The following EDA variants were observed in gnomAD, a reference collection of about 807,000 sequenced individuals.
EDA encodes ectodysplasin-A.
In EDA, 2 loss-of-function variants were observed where a neutral mutation model predicts 23.6. The observed-to-expected ratio is 0.08, with a 90% CI of 0.03 to 0.27. The LOEUF (loss-of-function observed/expected upper bound fraction) is 0.27, where lower values mean the gene tolerates loss of function less well. Among genes scored for constraint, EDA ranks in the 10% least tolerant of loss-of-function variants. The probability of loss-of-function intolerance (pLI) is 1.00; values close to 1 mark genes in which losing one functional copy is unlikely to be tolerated. For missense variants in EDA, 229 were observed against 324.2 expected (o/e 0.71, Z 2.26); for synonymous variants, 131 against 132.0 (o/e 0.99, Z 0.05).
At chrX:69,789,760 T>G (rs2015343876) in intron 1 of EDA, among the ~76,000 whole-genome samples, 1 of 112,002 alleles carries the variant, frequency 8.9e-6, no homozygotes, top group African/African-American at 3.2e-5. Context: ...CACTACTTTT[T>G]AGGATGCAGT....
intron 1 of EDA, among the ~76,000 whole-genome samples, chrX:69,649,296 A>C (rs1236267588): frequency 1.8e-5 from 2 of 112,166 alleles, no homozygotes; most frequent in Non-Finnish European, 3.8e-5. Context: ...TTATGTGTGC[A>C]TATAAATGTG....
intron 2 of EDA, among the ~76,000 whole-genome samples, chrX:70,015,256 G>A (rs1390779932): frequency 8.9e-6 from 1 of 111,872 alleles, no homozygotes; most frequent in Non-Finnish European, 1.9e-5. Context: ...GAGATTGGGA[G>A]CCTATATTCA....
chrX:69,633,795 A>G (rs1932695638), intron 1 of EDA, among the ~76,000 whole-genome samples: 1 of 112,439 alleles, frequency 8.9e-6, no homozygotes, highest in Non-Finnish European at 1.9e-5. Flanking sequence ...ACCTTGGGGT[A>G]TTATGAATAA....
In EDA at chrX:70,033,650, G is replaced by C. The variant is rs910753777; in HGVS notation, c.924+122G>C. The C allele has an allele frequency of 7.0e-6, 6 of 857,528 alleles. No individual in the cohort carries two copies. In the African/African-American group the frequency reaches 1.0e-4, roughly 14 times the overall value. The allele number at this position is 857,528 out of a possible 1,213,427, so 70.7% of individuals were successfully genotyped here. On this transcript the variant is annotated intron_variant, in intron 7 of 7. Transcript: ENST00000374552. ...TGGCTAACTTCCTGCTTTGGGTGAG[G>C]GGGTGGGGGGACCGCACTGGGAGGG...
chrX:69,801,770 A>G (rs2015692397), intron 1 of EDA, among the ~76,000 whole-genome samples: 1 of 111,880 alleles, frequency 8.9e-6, no homozygotes, highest in Non-Finnish European at 1.9e-5. Context: ...CTTACTAGTA[A>G]TCTGGAAAAT....
intron 1 of EDA, among the ~76,000 whole-genome samples, chrX:69,886,668 C>G (rs751020038): frequency 2.2e-4 from 24 of 111,100 alleles, no homozygotes; most frequent in Non-Finnish European, 4.0e-4. Flanking sequence ...GGCACCAGTC[C>G]TACAAACCAA....
At chrX:69,844,227 G>T (rs1034963189) in intron 1 of EDA, among the ~76,000 whole-genome samples, 1 of 111,709 alleles carries the variant, frequency 9.0e-6, no homozygotes, top group Admixed American at 9.5e-5. Flanking sequence ...GAAATTTGAA[G>T]AGAGGATGAG....
At chrX:69,739,188 T>G (rs1203843682) in intron 1 of EDA, among the ~76,000 whole-genome samples, 2 of 111,531 alleles carry the variant, frequency 1.8e-5, no homozygotes, top group Non-Finnish European at 3.8e-5. Context: ...ACATGATTTT[T>G]AATTGTTATG....
intron 1 of EDA, among the ~76,000 whole-genome samples, chrX:69,900,369 A>T (rs1028459621): frequency 9.2e-6 from 1 of 108,117 alleles, no homozygotes; most frequent in Non-Finnish European, 1.9e-5. Context: ...TAAGTATGTT[A>T]CATGAATTAA....
chrX:69,655,298 G>A (rs1259373451), intron 1 of EDA, among the ~76,000 whole-genome samples: 2 of 111,141 alleles, frequency 1.8e-5, no homozygotes, highest in African/African-American at 6.6e-5. Context: ...GGAGGCTGAG[G>A]CAGGAGAATT....
intron 1 of EDA, among the ~76,000 whole-genome samples, chrX:69,684,570 A>C (rs1466971777): frequency 9.0e-6 from 1 of 111,714 alleles, no homozygotes; most frequent in Admixed American, 9.5e-5. Flanking sequence ...TAGCAGGACA[A>C]CTCGACTAAC....
chrX:69,735,528 A>G (rs1163370141), intron 1 of EDA, among the ~76,000 whole-genome samples: 1 of 111,452 alleles, frequency 9.0e-6, no homozygotes, highest in African/African-American at 3.3e-5. Flanking sequence ...TGTAATATTG[A>G]TAGTTTAAAT....
At chrX:69,932,454 T>C (rs1430273490) in intron 1 of EDA, among the ~76,000 whole-genome samples, 2 of 111,719 alleles carry the variant, frequency 1.8e-5, no homozygotes, top group Admixed American at 9.5e-5. Flanking sequence ...AGGATATAGA[T>C]AGGCTTTGAG....
chrX:69,739,725 A>G (rs946997711), intron 1 of EDA, among the ~76,000 whole-genome samples: 1 of 110,917 alleles, frequency 9.0e-6, no homozygotes, highest in Non-Finnish European at 1.9e-5. Context: ...ATTTTTTACT[A>G]GCTTAATTTC....
At chrX:69,736,925 C>T (rs1372183530) in intron 1 of EDA, among the ~76,000 whole-genome samples, 1 of 109,111 alleles carries the variant, frequency 9.2e-6, no homozygotes. Flanking sequence ...GCGCCTGCCA[C>T]CATGCCCGGC....
intron 2 of EDA, among the ~76,000 whole-genome samples, chrX:69,962,472 C>T (rs578115898): frequency 1.1e-4 from 12 of 112,357 alleles, no homozygotes; most frequent in African/African-American, 3.9e-4. Flanking sequence ...CGCTCTGTCA[C>T]GCAGGCTGGA....
At chrX:69,987,289 TAAAA>T (rs1325490950) in intron 2 of EDA, among the ~76,000 whole-genome samples, 3 of 86,304 alleles carry the variant, frequency 3.5e-5, no homozygotes, top group Non-Finnish European at 6.6e-5. Context: ...AAAAAAAAAT[TAAAA>T]AAAAAAATTT....
intron 1 of EDA, among the ~76,000 whole-genome samples, chrX:69,665,001 A>G (rs753889547): frequency 8.9e-6 from 1 of 112,018 alleles, no homozygotes; most frequent in South Asian, 3.7e-4. Context: ...GATAATAGCC[A>G]TTCTAGTGGG....
At chrX:69,781,549 A>T (rs766204663) in intron 1 of EDA, among the ~76,000 whole-genome samples, 2 of 112,079 alleles carry the variant, frequency 1.8e-5, no homozygotes, top group South Asian at 7.5e-4. Context: ...ATATTTACTA[A>T]TTGGCCCTTC....
Sources: allele counts gnomAD v4.1 joint callset (sites outside exome capture counted in the v4.1 genomes callset), GRCh38; gene constraint gnomAD v4.1.1; transcripts MANE v1.5; gene names NCBI Gene and HGNC (gene_info 2026-07-23, HGNC 2026-07-21).